Variants in ZNF541 observed in about 807,000 individuals in gnomAD.
The protein encoded by ZNF541 is zinc finger protein 541.
Under a neutral mutation model 123.5 loss-of-function variants are expected in ZNF541, and 23 were observed. The observed-to-expected ratio is 0.19, with a 90% CI of 0.13 to 0.26. ZNF541 has a LOEUF of 0.26. Among genes scored for constraint, ZNF541 ranks in the 10% least tolerant of loss-of-function variants. The pLI, the probability that ZNF541 is intolerant of heterozygous loss-of-function variation, is 1.00. For missense variants in ZNF541, 1,612 were observed against 1,789.9 expected, an observed-to-expected ratio of 0.90 and a Z score of 1.79; for synonymous variants, 751 against 754.5, an observed-to-expected ratio of 1.00 and a Z score of 0.08.
At chr19:47,539,963 T>C (rs903683184) in intron 7 of ZNF541, 85 bp from the exon 8 acceptor site, 1 of 1,494,662 alleles carries the variant, frequency 6.7e-7, no homozygotes, top group Non-Finnish European at 8.8e-7. Flanking sequence ...AAAGCTGTCA[T>C]AGAAAACAGC....
At chr19:47,529,082 G>C in intron 13 of ZNF541, 44 bp from the exon 14 acceptor site, 1 of 1,423,216 alleles carries the variant, frequency 7.0e-7, no homozygotes, top group Non-Finnish European at 9.7e-7. Flanking sequence ...ATTTGTCCTG[G>C]GACCACAGCC....
intron 14 of ZNF541, among the ~76,000 whole-genome samples, chr19:47,523,099 T>TGCAG (rs1969115377): frequency 2.7e-5 from 4 of 149,078 alleles, no homozygotes; most frequent in African/African-American, 9.9e-5. Flanking sequence ...CTTTTTTTTT[T>TGCAG]TTCACTGCAA....
chr19:47,540,588 T>C (rs1047492857), intron 6 of ZNF541, among the ~76,000 whole-genome samples: 4 of 152,248 alleles, frequency 2.6e-5, no homozygotes, highest in African/African-American at 9.6e-5. Flanking sequence ...TACAGGTGTG[T>C]GCCAATATAC....
At chr19:47,572,106 A>G (rs1971496199) in intron 1 of ZNF541, among the ~76,000 whole-genome samples, 64 bp from the exon 2 acceptor site, 1 of 152,238 alleles carries the variant, frequency 6.6e-6, no homozygotes, top group African/African-American at 2.4e-5. Flanking sequence ...ACAAGAACAG[A>G]GATGTGAAAA....
chr19:47,561,985 A>G (rs1971080764), intron 2 of ZNF541, among the ~76,000 whole-genome samples: 1 of 152,252 alleles, frequency 6.6e-6, no homozygotes, highest in African/African-American at 2.4e-5. Flanking sequence ...GCAGTGGCTC[A>G]CGCCTGTAAT....
chr19:47,562,005 T>G (rs926612227), intron 2 of ZNF541, among the ~76,000 whole-genome samples: 1 of 152,172 alleles, frequency 6.6e-6, no homozygotes, highest in South Asian at 2.1e-4. Flanking sequence ...TCCCAGCATT[T>G]TGGGAGGCCG....
At position 47,567,069 on chromosome 19, in the gene ZNF541, A is replaced by T. The variant is rs140807335; in HGVS notation, c.-99+4827T>A. 6.5e-3 allele frequency among the ~76,000 whole-genome samples: 991 copies of T among 151,786 alleles called. 15 individuals carry two copies. Among genetic ancestry groups the T allele is most frequent in the African/African-American group, 0.023 (944 of 41,458 alleles). ...CCATCTCAAAAATAAATAAATAAAT[A>T]AATAAAATAAAATAAATAATAGAAA... On this transcript the variant is annotated intron_variant, in intron 2 of 16. Coordinates refer to ENST00000391901, the MANE Select transcript of ZNF541 (RefSeq NM_001277075.3).
chr19:47,525,113 T>C (rs991370446), intron 14 of ZNF541, among the ~76,000 whole-genome samples: 1 of 151,904 alleles, frequency 6.6e-6, no homozygotes, highest in African/African-American at 2.4e-5. Flanking sequence ...GGTGAAACCC[T>C]GTCTCTACTA....
Position 47,545,207 on chromosome 19 carries a change from G to T in ZNF541, c.1322C>A (p.Ser441Ter). The T allele has an allele frequency of 6.5e-7, 1 of 1,530,050 alleles. No homozygotes were observed. Among genetic ancestry groups the T allele is most frequent in the Non-Finnish European group, 8.8e-7 (1 of 1,136,874 alleles). The allele number at this position is 1,530,050 out of a possible 1,614,324, so 94.8% of individuals were successfully genotyped here. A position where few individuals can be genotyped will look rare whatever the true frequency, so the allele number is the denominator to read the frequency against. The change falls in exon 5 of 17, where the codon TCG becomes TAG. Residue 441 changes from serine to a stop codon, truncating the protein, a stop_gained. Transcript: ENST00000391901. LOFTEE classifies it high-confidence loss of function. This position sits in a 1 kb window ranked among gnomAD's most constrained non-coding sequence, Gnocchi z 7.5. ...CGGGCCAGACTCGGAGCCCTCCCGC[G>T]AGGGCACGGCCGAGGGCTTGTGGAC... ...FVVHKPSAVP[S>*]REGSESGPGP... is the part of the protein sequence containing the mutation.
At chr19:47,537,807 C>A (rs986008448) in intron 9 of ZNF541, among the ~76,000 whole-genome samples, 1 of 150,730 alleles carries the variant, frequency 6.6e-6, no homozygotes, top group Non-Finnish European at 1.5e-5. Flanking sequence ...ACCAGGAGAT[C>A]GAGGCTGCAG....
chr19:47,536,383 A>G (rs1599971586), intron 9 of ZNF541, among the ~76,000 whole-genome samples: 1 of 152,090 alleles, frequency 6.6e-6, no homozygotes, highest in Non-Finnish European at 1.5e-5. Flanking sequence ...GATTATAGGC[A>G]CCCGCCACCA....
chr19:47,540,922 C>T lies in ZNF541; in HGVS notation c.2433G>A (p.Pro811=), dbSNP rs375378512. 2.6e-4 allele frequency: 410 copies of T among 1,551,148 alleles called. 1 individual carries two copies. The South Asian group carries it at 4.3e-3, about 16-fold the overall frequency. The change falls in exon 6 of 17, where the codon CCG becomes CCA. Residue 811 remains proline, a synonymous_variant. Transcript: ENST00000391901. ...QGGNIYRLPH[P]VKEENVAGRG... ...TGCCTGCCACATTCTCTTCCTTCACCGGATGGGGGAGCCTGTAGATGTTTC... is the reference window on the plus strand; with the variant it reads ...TGCCTGCCACATTCTCTTCCTTCACTGGATGGGGGAGCCTGTAGATGTTTC...
chr19:47,569,273 A>G lies in ZNF541; in HGVS notation c.-99+2623T>C, dbSNP rs568928425. ...TTGTAATAATAATAATAATAATAAC[A>G]GTGAACATTTATTGAGGCTTTATGA... On this transcript the variant is annotated intron_variant, in intron 2 of 16. Coordinates refer to ENST00000391901, the MANE Select transcript of ZNF541 (RefSeq NM_001277075.3). Among the ~76,000 whole-genome samples the G allele has an allele frequency of 4.3e-4, 66 of 152,246 alleles. 1 individual carries two copies. The highest frequency in any genetic ancestry group is 3.4e-4 in the Non-Finnish European group (23 of 68,026).
intron 13 of ZNF541, among the ~76,000 whole-genome samples, chr19:47,529,354 C>A (rs1969456607): frequency 6.6e-6 from 1 of 152,194 alleles, no homozygotes; most frequent in South Asian, 2.1e-4. Context: ...CCCCTTCCAG[C>A]TGGGCAGAGT....
chr19:47,567,210 C>A (rs917330761), intron 2 of ZNF541, among the ~76,000 whole-genome samples: 1 of 152,030 alleles, frequency 6.6e-6, no homozygotes, highest in Non-Finnish European at 1.5e-5. Flanking sequence ...AGCTAACACC[C>A]TTGAGGAACT....
chr19:47,531,240 G>A (rs867419531), intron 12 of ZNF541, among the ~76,000 whole-genome samples: 11 of 148,952 alleles, frequency 7.4e-5, no homozygotes, highest in South Asian at 6.5e-4. Flanking sequence ...AGCGGGGGGG[G>A]GGGGGGGGGT....
chr19:47,569,184 C>T (rs535571772), intron 2 of ZNF541, among the ~76,000 whole-genome samples: 4 of 152,070 alleles, frequency 2.6e-5, no homozygotes, highest in African/African-American at 9.6e-5. Flanking sequence ...CTAGAAAGGG[C>T]TTATGGTCTC....
At chr19:47,549,992 C>T (rs1027984955) in intron 3 of ZNF541, among the ~76,000 whole-genome samples, 6 of 152,106 alleles carry the variant, frequency 3.9e-5, no homozygotes, top group Admixed American at 3.9e-4. Flanking sequence ...TAGCTCACAC[C>T]TGTAATCCCA....
chr19:47,538,538 G>A, intron 8 of ZNF541, 99 bp from the exon 9 acceptor site: 1 of 1,287,862 alleles, frequency 7.8e-7, no homozygotes, highest in Middle Eastern at 1.9e-4. Context: ...ACCGGCCAGA[G>A]ACAGGAAACT....
Sources: gnomAD v4.1 joint callset for allele counts (sites outside exome capture counted in the v4.1 genomes callset) on GRCh38, gnomAD v4.1.1 for gene constraint, Gnocchi (gnomAD v3.1) non-coding constraint, MANE v1.5 for transcripts, NCBI Gene and HGNC (gene_info 2026-07-23, HGNC 2026-07-21) for gene names.